PSMC1: variants seen among roughly 807,000 people sequenced by gnomAD.
PSMC1 encodes the protein proteasome 26S subunit, ATPase 1.
A neutral mutation model predicts 49.8 loss-of-function variants in PSMC1; 5 were observed. That is an observed-to-expected ratio of 0.10 (90% CI 0.05 to 0.21). The LOEUF (loss-of-function observed/expected upper bound fraction) is 0.21. PSMC1 is among the 10% of genes least tolerant of loss of function. The pLI, the probability that PSMC1 is intolerant of heterozygous loss-of-function variation, is 1.00. For synonymous variants in PSMC1, 155 were observed against 192.1 expected (o/e 0.81, Z 1.60); for missense variants, 181 against 535.7 (o/e 0.34, Z 6.54).
chr14:90,260,259 C>A, intron 3 of PSMC1, 48 bp downstream of exon 3: 1 of 1,372,652 alleles, frequency 7.3e-7, no homozygotes, highest in Non-Finnish European at 1.0e-6. Context: ...TTAGGATAAA[C>A]CATCTCTGTG....
At chr14:90,263,473 T>C in intron 4 of PSMC1, 31 bp downstream of exon 4, 1 of 1,544,538 alleles carries the variant, frequency 6.5e-7, no homozygotes, top group Non-Finnish European at 8.7e-7. Flanking sequence ...CATTTTCTTT[T>C]TTACAAATTG....
At chr14:90,259,881 C>T (rs536519477) in intron 2 of PSMC1, among the ~76,000 whole-genome samples, 2 of 152,264 alleles carry the variant, frequency 1.3e-5, no homozygotes, top group South Asian at 4.1e-4. Context: ...CTCAGCCTCC[C>T]AAAATGCTGG....
intron 2 of PSMC1, 69 bp from the exon 3 acceptor site, chr14:90,260,045 AC>A (rs1891367198): frequency 1.1e-6 from 1 of 927,454 alleles, no homozygotes; most frequent in Middle Eastern, 3.5e-4. Context: ...TGATGGTGGT[AC>A]AGAAATAAAT....
rs113672687 is a variant in PSMC1 at position 90,274,065 on chromosome 14, C to T, written c.*1658C>T. On this transcript the variant is annotated 3_prime_UTR_variant, in exon 11 of 11. Coordinates refer to ENST00000261303, the MANE Select transcript of PSMC1 (RefSeq NM_002802.3). ...CTTAGGGTGTGGCCATCTTTAGGGG[C>T]GCCACTCTGCCTACCACAGAGGACA... The T allele has an allele frequency of 0.013, 2,036 of 154,926 alleles. 38 individuals are homozygous for T. Among genetic ancestry groups the T allele is most frequent in the African/African-American group, 0.04 (1,649 of 41,590 alleles). 9.6% of individuals were successfully genotyped at this position (154,926 alleles called of 1,614,324 possible).
chr14:90,270,474 T>C lies in PSMC1; in HGVS notation c.1188+122T>C. The C allele has an allele frequency of 4.4e-6, 5 of 1,133,146 alleles. No homozygotes were observed. In the African/African-American group the frequency reaches 7.8e-5, roughly 18 times the overall value. The allele number at this position is 1,133,146 out of a possible 1,614,324, so 70.2% of individuals were successfully genotyped here. A position where few individuals can be genotyped will look rare whatever the true frequency, so the allele number is the denominator to read the frequency against. On this transcript the variant is annotated intron_variant, in intron 10 of 10. Coordinates refer to ENST00000261303, the MANE Select transcript of PSMC1 (RefSeq NM_002802.3). ...GTGGGTGTCTGTATTTTAATCATCA[T>C]ATTGGTTTACGATTACATCCAAATG...
At chr14:90,258,799 C>T (rs1891343233) in intron 1 of PSMC1, among the ~76,000 whole-genome samples, 1 of 152,160 alleles carries the variant, frequency 6.6e-6, no homozygotes, top group South Asian at 2.1e-4. Context: ...TAGCTTCAGT[C>T]CGGTAGTTTC....
intron 1 of PSMC1, 58 bp downstream of exon 1, chr14:90,256,658 C>A (rs1891299417): frequency 1.9e-6 from 3 of 1,563,816 alleles, no homozygotes; most frequent in South Asian, 2.4e-5. Flanking sequence ...GTCTCAGCAG[C>A]CTGAGGCGAG....
intron 3 of PSMC1, 74 bp downstream of exon 3, chr14:90,260,285 C>A: frequency 9.3e-7 from 1 of 1,080,060 alleles, no homozygotes; most frequent in Non-Finnish European, 1.4e-6. Flanking sequence ...AGCTTAGAGT[C>A]TGAAAGGGGT....
chr14:90,265,513 A>T (rs1020927215), intron 7 of PSMC1, among the ~76,000 whole-genome samples: 32 of 151,610 alleles, frequency 2.1e-4, no homozygotes, highest in Non-Finnish European at 3.4e-4. Context: ...ATGTGGTGAA[A>T]CCCCGTCTCT....
chr14:90,263,481 T>G lies in PSMC1; in HGVS notation c.279+39T>G, dbSNP rs139285884. The G allele has an allele frequency of 1.4e-5, 21 of 1,529,922 alleles. No homozygotes were observed. In the African/African-American group the frequency reaches 1.5e-4, roughly 11 times the overall value. 94.8% of individuals were successfully genotyped at this position (1,529,922 alleles called of 1,614,324 possible). On this transcript the variant is annotated intron_variant, in intron 4 of 10. Coordinates refer to ENST00000261303, the MANE Select transcript of PSMC1 (RefSeq NM_002802.3). Reference sequence around the variant, plus strand: ...TTACTATCATTTTCTTTTTTACAAATTGAATTCTATAAAATTGTCAACAAA... The same window carrying G: ...TTACTATCATTTTCTTTTTTACAAAGTGAATTCTATAAAATTGTCAACAAA...
At chr14:90,257,838 C>T (rs955654218) in intron 1 of PSMC1, among the ~76,000 whole-genome samples, 3 of 152,198 alleles carry the variant, frequency 2.0e-5, no homozygotes, top group Admixed American at 1.3e-4. Flanking sequence ...GATCCGCCCG[C>T]CTCGGCCTCC....
In PSMC1 at chr14:90,273,347, C is replaced by G. The variant is rs1001727703; in HGVS notation, c.*940C>G. The G allele has an allele frequency of 1.3e-5, 2 of 152,180 alleles. No individual in the cohort carries two copies. The highest frequency in any genetic ancestry group is 4.8e-5 in the African/African-American group (2 of 41,438). 9.4% of individuals were successfully genotyped at this position (152,180 alleles called of 1,614,324 possible). ...AGCTGAGGCAGGCGGATCACAAGGTCAGAAGTTTGAGGCCAGCCTGGCCAA... is the reference window on the plus strand; with the variant it reads ...AGCTGAGGCAGGCGGATCACAAGGTGAGAAGTTTGAGGCCAGCCTGGCCAA... On this transcript the variant is annotated 3_prime_UTR_variant, in exon 11 of 11. Transcript: ENST00000261303.
rs138207798 is a variant in PSMC1, at chr14:90,270,108, C to T, written c.1034-90C>T. On this transcript the variant is annotated intron_variant, in intron 9 of 10. Transcript: ENST00000261303. The stretch of plus-strand genomic sequence containing the variant: ...ACAGAATTCTGTCCGACTGAAACTT[C>T]GTATGTAAGGAGATGGGCTGAGGCC... The T allele has an allele frequency of 2.7e-4, 359 of 1,350,228 alleles. 2 individuals carry two copies. The African/African-American group carries it at 4.5e-3, about 17-fold the overall frequency. 83.6% of individuals were successfully genotyped at this position (1,350,228 alleles called of 1,614,324 possible).
At chr14:90,256,960 G>A (rs1204067627) in intron 1 of PSMC1, among the ~76,000 whole-genome samples, 2 of 152,150 alleles carry the variant, frequency 1.3e-5, no homozygotes, top group African/African-American at 4.8e-5. Flanking sequence ...GAGTCACCGG[G>A]AAAAATGCTT....
At position 90,272,436 on chromosome 14, in the gene PSMC1, T is replaced by A; in HGVS notation, c.*29T>A. ...ACCATGGCTGTCATCAGGAAAATGG[T>A]TGGGAGATTTCTCAATCCCTGAAAG... is the stretch of plus-strand genomic sequence containing the variant. On this transcript the variant is annotated 3_prime_UTR_variant, in exon 11 of 11. Transcript: ENST00000261303. The surrounding 1 kb of genome is among the most constrained non-coding windows in gnomAD (Gnocchi z 4.5). 6.6e-7 allele frequency: 1 copy of A among 1,517,988 alleles called. No individual in the cohort carries two copies. Among genetic ancestry groups the A allele is most frequent in the Non-Finnish European group, 8.9e-7 (1 of 1,125,336 alleles). The allele number at this position is 1,517,988 out of a possible 1,614,324, so 94.0% of individuals were successfully genotyped here. A position where few individuals can be genotyped will look rare whatever the true frequency, so the allele number is the denominator to read the frequency against.
At chr14:90,264,484 G>A (rs1201021032) in intron 6 of PSMC1, among the ~76,000 whole-genome samples, 2 of 152,244 alleles carry the variant, frequency 1.3e-5, no homozygotes, top group African/African-American at 4.8e-5. Flanking sequence ...AGCCTCCAGT[G>A]CTTTGTGGAG....
chr14:90,271,847 CA>C (rs2139653572), intron 10 of PSMC1: 1 of 151,682 alleles, frequency 6.6e-6, no homozygotes, highest in Non-Finnish European at 1.5e-5. Flanking sequence ...CCCAAATAAG[CA>C]ATTTGTGTTT....
intron 7 of PSMC1, among the ~76,000 whole-genome samples, chr14:90,266,786 T>C (rs1398088472): frequency 1.3e-5 from 2 of 152,228 alleles, no homozygotes; most frequent in Non-Finnish European, 1.5e-5. Context: ...AAAGGTCCTA[T>C]TTGTTTTCTG....
chr14:90,264,629 C>G (rs746993860), intron 6 of PSMC1, among the ~76,000 whole-genome samples: 1 of 152,156 alleles, frequency 6.6e-6, no homozygotes, highest in Non-Finnish European at 1.5e-5. Context: ...TCTGCATGAT[C>G]TTTCATAGGG....
Sources: allele counts gnomAD v4.1 joint callset (sites outside exome capture counted in the v4.1 genomes callset), GRCh38; gene constraint gnomAD v4.1.1; non-coding constraint Gnocchi (gnomAD v3.1); transcripts MANE v1.5; gene names NCBI Gene and HGNC (gene_info 2026-07-23, HGNC 2026-07-21).